The following ZC3H12B variants were observed in gnomAD, a reference collection of about 807,000 sequenced individuals.
The protein encoded by ZC3H12B is zinc finger CCCH-type containing 12B.
In ZC3H12B, 7 loss-of-function variants were observed where a neutral mutation model predicts 43.9. The ratio of observed to expected loss-of-function variants is 0.16; its 90% confidence interval spans 0.09 to 0.30. The LOEUF is 0.30. ZC3H12B is among the 10% of genes least tolerant of loss of function. The pLI is 1.00. For synonymous variants in ZC3H12B, 222 were observed against 241.7 expected (o/e 0.92, Z 0.76); for missense variants, 475 against 670.2 (o/e 0.71, Z 3.22).
chrX:65,295,484 C>G, the ZC3H12B span, among the ~76,000 whole-genome samples: 1 of 111,253 alleles, frequency 9.0e-6, no homozygotes, highest in Admixed American at 9.6e-5. Flanking sequence ...AAAGTAAGGT[C>G]ACACCTCAAG....
chrX:65,296,803 C>A, the ZC3H12B span, among the ~76,000 whole-genome samples: 2 of 111,012 alleles, frequency 1.8e-5, no homozygotes, highest in Non-Finnish European at 3.8e-5. Flanking sequence ...AAAGATAATC[C>A]ACCATGATCA....
chrX:65,232,993 A>C, the ZC3H12B span, among the ~76,000 whole-genome samples: 1 of 112,363 alleles, frequency 8.9e-6, no homozygotes, highest in Non-Finnish European at 1.9e-5. Flanking sequence ...ATTAAAAAAG[A>C]CAAGGATGTG....
chrX:65,199,069 A>T, the ZC3H12B span, among the ~76,000 whole-genome samples: 3 of 109,445 alleles, frequency 2.7e-5, no homozygotes, highest in Non-Finnish European at 5.7e-5. Flanking sequence ...GCCTCATGTC[A>T]TCTGCCCACG....
At chrX:65,171,930 T>C in the ZC3H12B span, among the ~76,000 whole-genome samples, 1 of 111,565 alleles carries the variant, frequency 9.0e-6, no homozygotes, top group South Asian at 3.8e-4. Flanking sequence ...ATTTTCGAGG[T>C]ACCATCTGTC....
At chrX:65,344,127 G>T in the ZC3H12B span, among the ~76,000 whole-genome samples, 13 of 112,226 alleles carry the variant, frequency 1.2e-4, no homozygotes, top group East Asian at 2.5e-3. Flanking sequence ...TAACCAGGGA[G>T]TTGAAAGATT....
At chrX:65,135,462 T>G in the ZC3H12B span, among the ~76,000 whole-genome samples, 1 of 110,301 alleles carries the variant, frequency 9.1e-6, no homozygotes, top group African/African-American at 3.3e-5. Context: ...GTTCTTTTTC[T>G]TTGGTTGTTT....
the ZC3H12B span, among the ~76,000 whole-genome samples, chrX:65,056,236 AG>A: frequency 9.0e-6 from 1 of 110,611 alleles, no homozygotes; most frequent in African/African-American, 3.3e-5. Context: ...TAGTGGTATA[AG>A]TTTCCCTCTA....
chrX:65,357,124 G>T, the ZC3H12B span: 2 of 494,740 alleles, frequency 4.0e-6, no homozygotes, highest in South Asian at 5.1e-5. Context: ...GAGTATATTT[G>T]ACTTCACATG....
rs931380939 is a variant in ZC3H12B at position 65,425,009 on chromosome X, A to G, written n.407+26305A>G. On this transcript the variant is annotated intron_variant and non_coding_transcript_variant, in intron 3 of 5. Coordinates refer to the ZC3H12B transcript ENST00000617377. ...GTTTCTAATTCAGTGAAGAATGTCA[A>G]TGGTAGTTTAATGGGAATAGCATTG... Among the ~76,000 whole-genome samples, 10 of 111,788 alleles carry G rather than the reference A, an allele frequency of 8.9e-5. No individual in the cohort carries two copies. In the Admixed American group the frequency reaches 9.5e-4, roughly 11 times the overall value.
intron 3 of ZC3H12B, among the ~76,000 whole-genome samples, chrX:65,400,051 G>A (rs755716257): frequency 1.7e-4 from 19 of 110,902 alleles, no homozygotes; most frequent in African/African-American, 5.9e-4. Flanking sequence ...CGGGGGATAG[G>A]GAAAATGGGG....
the ZC3H12B span, among the ~76,000 whole-genome samples, chrX:65,169,686 T>C: frequency 4.5e-5 from 5 of 112,115 alleles, no homozygotes; most frequent in Admixed American, 4.7e-4. Flanking sequence ...TTTGTAAGTC[T>C]ATATGGACTT....
At chrX:65,428,860 A>G (rs1011804468) in intron 3 of ZC3H12B, among the ~76,000 whole-genome samples, 5 of 112,670 alleles carry the variant, frequency 4.4e-5, no homozygotes, top group Admixed American at 9.4e-5. Flanking sequence ...TTTTGCATTA[A>G]TTCTTTTTTA....
the ZC3H12B span, chrX:65,331,139 T>A: frequency 3.7e-6 from 1 of 269,487 alleles, no homozygotes; most frequent in South Asian, 5.0e-5. Flanking sequence ...TATGGCAACC[T>A]CTACACACTT....
At chrX:65,051,953 C>G in the ZC3H12B span, among the ~76,000 whole-genome samples, 1 of 110,544 alleles carries the variant, frequency 9.0e-6, no homozygotes. Flanking sequence ...GCTTATAAAT[C>G]TGAAAAATAT....
intron 3 of ZC3H12B, among the ~76,000 whole-genome samples, chrX:65,419,080 G>T (rs902962633): frequency 3.6e-5 from 4 of 111,011 alleles, no homozygotes. Context: ...TCTAGCTCAG[G>T]TTCATCTCTT....
At chrX:65,277,058 G>A in the ZC3H12B span, among the ~76,000 whole-genome samples, 3 of 111,425 alleles carry the variant, frequency 2.7e-5, no homozygotes, top group South Asian at 3.7e-4. Flanking sequence ...AACAAAAAGC[G>A]AGCAGAGTAG....
chrX:65,156,172 T>C, the ZC3H12B span, among the ~76,000 whole-genome samples: 1 of 111,074 alleles, frequency 9.0e-6, no homozygotes, highest in African/African-American at 3.3e-5. Flanking sequence ...TTTTTAATAT[T>C]GTGCTTTCTC....
the ZC3H12B span, among the ~76,000 whole-genome samples, chrX:65,084,596 G>T: frequency 1.2e-4 from 14 of 112,472 alleles, no homozygotes; most frequent in Admixed American, 2.8e-4. Context: ...ATATTTAAAT[G>T]ACAGAGAATA....
intron 2 of ZC3H12B, among the ~76,000 whole-genome samples, chrX:65,381,566 A>G (rs1372408944): frequency 4.5e-5 from 5 of 111,431 alleles, no homozygotes; most frequent in Non-Finnish European, 7.6e-5. Context: ...GAGCAAACAC[A>G]TTCAAAAGCT....
Sources: gnomAD v4.1 joint callset for allele counts (sites outside exome capture counted in the v4.1 genomes callset) on GRCh38, gnomAD v4.1.1 for gene constraint, MANE v1.5 for transcripts, NCBI Gene and HGNC (gene_info 2026-07-23, HGNC 2026-07-21) for gene names.